Variants in PDE1C observed in about 807,000 individuals in gnomAD.
The protein encoded by PDE1C is phosphodiesterase 1C.
PDE1C carries 62 observed loss-of-function variants against 93.1 expected under a neutral mutation model. The ratio of observed to expected loss-of-function variants is 0.67; its 90% CI spans 0.54 to 0.82. The LOEUF (loss-of-function observed/expected upper bound fraction) is 0.82. PDE1C is among the 40% of genes least tolerant of loss of function. PDE1C has a pLI of 0.00. For synonymous variants in PDE1C, 325 were observed against 310.1 expected (o/e 1.05, Z -0.50); for missense variants, 742 against 884.6 (o/e 0.84, Z 2.04).
the PDE1C span, among the ~76,000 whole-genome samples, chr7:31,738,712 G>C: frequency 1.3e-5 from 2 of 152,186 alleles, no homozygotes; most frequent in Admixed American, 1.3e-4. Context: ...ATGGTGGCCA[G>C]CTGGTGAGGA....
chr7:31,987,601 G>A (rs1202977039), intron 2 of PDE1C, among the ~76,000 whole-genome samples: 2 of 152,172 alleles, frequency 1.3e-5, no homozygotes, highest in African/African-American at 4.8e-5. Flanking sequence ...GAAATGAAAG[G>A]CCAGGGTCTT....
intron 3 of PDE1C, among the ~76,000 whole-genome samples, chr7:32,096,813 G>GGATA (rs1312583345): frequency 1.2e-5 from 1 of 85,770 alleles, no homozygotes; most frequent in Non-Finnish European, 2.3e-5. Context: ...AACCAGTAGG[G>GGATA]GATAGAAAGA....
intron 1 of PDE1C, among the ~76,000 whole-genome samples, chr7:32,247,221 CTA>C (rs1274502657): frequency 6.6e-6 from 1 of 151,606 alleles, no homozygotes; most frequent in Non-Finnish European, 1.5e-5. Context: ...TTGGAAATGA[CTA>C]GAGAGGTTTT....
intron 2 of PDE1C, among the ~76,000 whole-genome samples, chr7:31,953,321 C>T (rs1807670766): frequency 6.6e-6 from 1 of 152,182 alleles, no homozygotes. Flanking sequence ...CCTACTCATG[C>T]TCCACTCTGA....
At chr7:32,034,667 TAA>T (rs1790803110) in intron 2 of PDE1C, among the ~76,000 whole-genome samples, 1 of 152,158 alleles carries the variant, frequency 6.6e-6, no homozygotes, top group Admixed American at 6.5e-5. Flanking sequence ...ATGTAAACAC[TAA>T]GTCATAATCC....
At position 32,199,905 on chromosome 7, in the gene PDE1C, C is replaced by T. The variant is rs541870848; in HGVS notation, c.136+9584G>A. Among the ~76,000 whole-genome samples the T allele has an allele frequency of 2.2e-4, 33 of 152,282 alleles. No individual in the cohort carries two copies. The South Asian group carries it at 6.6e-3, about 31-fold the overall frequency. On this transcript the variant is annotated intron_variant, in intron 2 of 18. Transcript: ENST00000396193. Reference sequence around the variant, plus strand: ...TGCAGTTCAATGATGATTTAATGTACACAAACTTTGTTTCACGGATGAAAT... The same window carrying T: ...TGCAGTTCAATGATGATTTAATGTATACAAACTTTGTTTCACGGATGAAAT...
At chr7:32,186,346 C>T (rs1803880356) in intron 2 of PDE1C, among the ~76,000 whole-genome samples, 1 of 152,096 alleles carries the variant, frequency 6.6e-6, no homozygotes, top group Non-Finnish European at 1.5e-5. Flanking sequence ...TCATGATCCA[C>T]CCGCCTCGGC....
chr7:32,091,609 G>T (rs1797472539), intron 3 of PDE1C, among the ~76,000 whole-genome samples: 1 of 152,164 alleles, frequency 6.6e-6, no homozygotes, highest in Admixed American at 6.5e-5. Context: ...TATGGCTGGT[G>T]GTTCAAGAAG....
chr7:31,637,805 C>T, the PDE1C span, among the ~76,000 whole-genome samples: 3 of 152,196 alleles, frequency 2.0e-5, no homozygotes, highest in Admixed American at 6.5e-5. Context: ...ACATGAAGTC[C>T]TTGCCCATGC....
chr7:32,214,262 G>A (rs1257404261), intron 1 of PDE1C, among the ~76,000 whole-genome samples: 1 of 152,028 alleles, frequency 6.6e-6, no homozygotes, highest in South Asian at 2.1e-4. Context: ...TTTAAGGGTA[G>A]TCCTGGATCA....
At chr7:32,281,808 T>C (rs904598750) in intron 1 of PDE1C, among the ~76,000 whole-genome samples, 2 of 152,114 alleles carry the variant, frequency 1.3e-5, no homozygotes, top group Admixed American at 1.3e-4. Context: ...ATTAAGAACA[T>C]GTGGCACATA....
the PDE1C span, among the ~76,000 whole-genome samples, chr7:31,721,237 C>G: frequency 6.6e-6 from 1 of 152,204 alleles, no homozygotes; most frequent in East Asian, 1.9e-4. Context: ...ATGATCGACC[C>G]TCAGCAACAG....
At chr7:31,787,933 T>A (rs1784180967) in intron 16 of PDE1C, 1 of 152,194 alleles carries the variant, frequency 6.6e-6, no homozygotes, top group African/African-American at 2.4e-5. Flanking sequence ...TTACTCAATA[T>A]CCCTTCGAAA....
chr7:31,874,202 C>A (rs1796275414), intron 5 of PDE1C, among the ~76,000 whole-genome samples: 1 of 152,180 alleles, frequency 6.6e-6, no homozygotes, highest in Non-Finnish European at 1.5e-5. Context: ...TATATACCAT[C>A]CCTGAAGTTC....
At chr7:31,805,884 C>T (rs1282303298) in intron 16 of PDE1C, among the ~76,000 whole-genome samples, 2 of 151,848 alleles carry the variant, frequency 1.3e-5, no homozygotes, top group African/African-American at 2.4e-5. Context: ...TCATTTATTT[C>T]CTGGCTCCCA....
At chr7:32,193,705 G>A (rs1804392629) in intron 2 of PDE1C, among the ~76,000 whole-genome samples, 1 of 152,136 alleles carries the variant, frequency 6.6e-6, no homozygotes, top group Admixed American at 6.5e-5. Flanking sequence ...TTTTATGGAA[G>A]AGATTATGTA....
the PDE1C span, among the ~76,000 whole-genome samples, chr7:31,638,670 A>G: frequency 6.6e-6 from 1 of 152,190 alleles, no homozygotes; most frequent in East Asian, 1.9e-4. Context: ...GAAATCTGCC[A>G]TCCTTATCTT....
chr7:32,394,798 A>T (rs531311518), intron 1 of PDE1C, among the ~76,000 whole-genome samples: 2 of 152,184 alleles, frequency 1.3e-5, no homozygotes, highest in African/African-American at 4.8e-5. Flanking sequence ...TGGGTGACAG[A>T]GCGAGACCCT....
intron 1 of PDE1C, among the ~76,000 whole-genome samples, chr7:32,371,496 C>T (rs964475808): frequency 1.3e-5 from 2 of 152,184 alleles, no homozygotes. Context: ...GGCAGATTTC[C>T]TGGCCACAAT....
Sources: allele counts gnomAD v4.1 joint callset (sites outside exome capture counted in the v4.1 genomes callset), GRCh38; gene constraint gnomAD v4.1.1; transcripts MANE v1.5; gene names NCBI Gene and HGNC (gene_info 2026-07-23, HGNC 2026-07-21).